ARHGEF3: variants seen among roughly 807,000 people sequenced by gnomAD.
ARHGEF3 encodes the protein Rho guanine nucleotide exchange factor 3, also known as 59.8 kDA protein.
In ARHGEF3, 28 loss-of-function variants were observed where a neutral mutation model predicts 63.2. The ratio of observed to expected loss-of-function variants is 0.44; its 90% confidence interval spans 0.33 to 0.61. ARHGEF3 has a LOEUF of 0.61. Among genes scored for constraint, ARHGEF3 ranks in the 20% least tolerant of loss-of-function variants. The pLI is 0.03. For missense variants in ARHGEF3, 533 were observed against 659.3 expected, an observed-to-expected ratio of 0.81 and a Z score of 2.10; for synonymous variants, 266 against 254.2, an observed-to-expected ratio of 1.05 and a Z score of -0.44.
intron 1 of ARHGEF3, among the ~76,000 whole-genome samples, chr3:56,799,531 C>T (rs2037537016): frequency 6.6e-6 from 1 of 152,200 alleles, no homozygotes. Flanking sequence ...GAGGAATTAA[C>T]AGTCAATGCC....
chr3:57,069,376 A>AACACACACACACAC (rs147675971), intron 1 of ARHGEF3, among the ~76,000 whole-genome samples: 2,888 of 146,416 alleles, frequency 0.02, 88 homozygotes, highest in African/African-American at 0.069. Flanking sequence ...CTGTCTCTCA[A>AACACACACACACAC]ACACACACAC....
chr3:56,966,629 T>C (rs1451939938), intron 2 of ARHGEF3, among the ~76,000 whole-genome samples: 1 of 151,972 alleles, frequency 6.6e-6, no homozygotes, highest in Non-Finnish European at 1.5e-5. Context: ...AGTGACATGA[T>C]GAGATTTGCC....
chr3:57,022,837 C>T (rs540106500), intron 2 of ARHGEF3, among the ~76,000 whole-genome samples: 1,709 of 152,290 alleles, frequency 0.011, 35 homozygotes, highest in African/African-American at 0.039. Context: ...GTCTCATCAC[C>T]CACATCTGTA....
chr3:56,941,275 T>A (rs1699169444), intron 3 of ARHGEF3, among the ~76,000 whole-genome samples: 1 of 152,240 alleles, frequency 6.6e-6, no homozygotes, highest in Non-Finnish European at 1.5e-5. Context: ...TGGCATGATC[T>A]TGGCTCACTG....
At chr3:56,871,907 G>A (rs963767703) in intron 4 of ARHGEF3, among the ~76,000 whole-genome samples, 1 of 152,096 alleles carries the variant, frequency 6.6e-6, no homozygotes, top group Non-Finnish European at 1.5e-5. Context: ...TCACAGAAGC[G>A]TTCTCAGACC....
intron 4 of ARHGEF3, among the ~76,000 whole-genome samples, chr3:56,809,763 C>T (rs982973079): frequency 6.6e-6 from 1 of 150,826 alleles, no homozygotes. Flanking sequence ...GACAGAGTCT[C>T]ACTTTGTCAC....
At chr3:56,845,286 C>T (rs138159622) in intron 4 of ARHGEF3, among the ~76,000 whole-genome samples, 1 of 152,176 alleles carries the variant, frequency 6.6e-6, no homozygotes, top group Non-Finnish European at 1.5e-5. Context: ...ACTCCTGACC[C>T]ACAAAAATTG....
chr3:57,011,309 G>A (rs1702691824), intron 2 of ARHGEF3, among the ~76,000 whole-genome samples: 1 of 152,206 alleles, frequency 6.6e-6, no homozygotes, highest in African/African-American at 2.4e-5. Flanking sequence ...TGCCCTAGCG[G>A]TGAACTCCCT....
At chr3:57,068,427 T>C (rs540072245) in intron 1 of ARHGEF3, among the ~76,000 whole-genome samples, 22 of 152,320 alleles carry the variant, frequency 1.4e-4, no homozygotes, top group African/African-American at 4.3e-4. Context: ...TTAAGAGTCA[T>C]TGCACCTCCC....
chr3:56,911,807 A>G (rs1008924876), intron 3 of ARHGEF3, among the ~76,000 whole-genome samples: 1 of 151,876 alleles, frequency 6.6e-6, no homozygotes, highest in Non-Finnish European at 1.5e-5. Flanking sequence ...GCCCTTACAC[A>G]CTAAGGTCTG....
intron 4 of ARHGEF3, among the ~76,000 whole-genome samples, chr3:56,834,678 C>T (rs116592603): frequency 0.11 from 16,189 of 149,150 alleles, 995 homozygotes; most frequent in Non-Finnish European, 0.13. Flanking sequence ...TGCTTGAACC[C>T]GGGAAGCGGT....
chr3:56,770,400 ACT>A (rs945720016), intron 2 of ARHGEF3, among the ~76,000 whole-genome samples: 2 of 150,352 alleles, frequency 1.3e-5, no homozygotes, highest in Non-Finnish European at 1.5e-5. Context: ...ACAGAGCAAG[ACT>A]CTGTCTCGAA....
intron 2 of ARHGEF3, among the ~76,000 whole-genome samples, chr3:57,026,622 G>C (rs921480281): frequency 6.9e-6 from 1 of 145,800 alleles, no homozygotes; most frequent in Non-Finnish European, 1.5e-5. Flanking sequence ...GCTGTTTTAG[G>C]TGCCACCATC....
chr3:56,850,096 C>T (rs890673699), intron 4 of ARHGEF3, among the ~76,000 whole-genome samples: 2 of 152,156 alleles, frequency 1.3e-5, no homozygotes, highest in African/African-American at 4.8e-5. Flanking sequence ...TGTTCCTAAG[C>T]CCTATTTGTT....
intron 4 of ARHGEF3, among the ~76,000 whole-genome samples, chr3:56,840,809 A>G (rs2039285500): frequency 6.6e-6 from 1 of 152,104 alleles, no homozygotes; most frequent in African/African-American, 2.4e-5. Context: ...AAACAATTTC[A>G]TTTCCTTCAT....
chr3:56,832,347 G>A (rs1578629706), intron 4 of ARHGEF3, among the ~76,000 whole-genome samples: 2 of 152,136 alleles, frequency 1.3e-5, no homozygotes, highest in Non-Finnish European at 2.9e-5. Flanking sequence ...TATGTAAGTA[G>A]GGGGTTTACT....
intron 2 of ARHGEF3, chr3:57,007,229 G>A: frequency 7.8e-7 from 1 of 1,289,558 alleles, no homozygotes; most frequent in Non-Finnish European, 1.0e-6. Context: ...AGGTGGGGGG[G>A]TCAATAACAC....
At chr3:56,916,205 G>A (rs1223712219) in intron 3 of ARHGEF3, 1 of 1,402,460 alleles carries the variant, frequency 7.1e-7, no homozygotes, top group African/African-American at 1.5e-5. Flanking sequence ...GGAAGGTAAA[G>A]AGAACACTGC....
intron 1 of ARHGEF3, among the ~76,000 whole-genome samples, chr3:57,067,976 C>A (rs938968033): frequency 7.9e-5 from 12 of 151,536 alleles, no homozygotes; most frequent in Non-Finnish European, 1.6e-4. Context: ...GGCGACAGAG[C>A]AAGACTCCGT....
Sources: allele counts gnomAD v4.1 joint callset (sites outside exome capture counted in the v4.1 genomes callset), GRCh38; gene constraint gnomAD v4.1.1; transcripts MANE v1.5; gene names NCBI Gene and HGNC (gene_info 2026-07-23, HGNC 2026-07-21).